Variants in SLC6A18 observed in about 807,000 individuals in gnomAD.
The protein encoded by SLC6A18 is solute carrier family 6 member 18, also known as inactive sodium-dependent neutral amino acid transporter B(0)AT3.
A neutral mutation model predicts 62.9 loss-of-function variants in SLC6A18; 58 were observed. The ratio of observed to expected loss-of-function variants is 0.92; its 90% CI spans 0.75 to 1.15. The LOEUF (loss-of-function observed/expected upper bound fraction) is 1.15. Among genes scored for constraint, SLC6A18 ranks in the 50% most tolerant of loss-of-function variants. The probability of loss-of-function intolerance (pLI) is 0.00; values close to 1 mark genes in which losing one functional copy is unlikely to be tolerated. For missense variants in SLC6A18, 793 were observed against 836.6 expected (o/e 0.95, Z 0.64); for synonymous variants, 382 against 365.8 (o/e 1.04, Z -0.51).
At position 1,237,633 on chromosome 5, in the gene SLC6A18, C is replaced by G. The variant is rs376065162; in HGVS notation, c.622-317C>G. Among the ~76,000 whole-genome samples, 19 of 152,236 alleles carry G rather than the reference C, an allele frequency of 1.2e-4. No homozygotes were observed. The East Asian group carries it at 1.5e-3, about 12-fold the overall frequency. ...GAGGGAGGCCAGGGAGGGAGTTTGG[C>G]CCAGACCCCTCTTCAGGGCCCAGCC... On this transcript the variant is annotated intron_variant, in intron 4 of 11. Transcript: ENST00000324642.
intron 1 of SLC6A18, among the ~76,000 whole-genome samples, chr5:1,228,127 T>C (rs1746630916): frequency 6.6e-6 from 1 of 152,242 alleles, no homozygotes; most frequent in Non-Finnish European, 1.5e-5. Context: ...GGCCTTTTTT[T>C]TTTATTCTTT....
intron 1 of SLC6A18, among the ~76,000 whole-genome samples, chr5:1,230,172 G>A (rs552190831): frequency 1.3e-4 from 19 of 146,194 alleles, no homozygotes; most frequent in African/African-American, 1.8e-4. Context: ...GGGGAGGGAA[G>A]AGGGGCTCTC....
At chr5:1,237,854 C>T in intron 4 of SLC6A18, 96 bp from the exon 5 acceptor site, 1 of 941,556 alleles carries the variant, frequency 1.1e-6, no homozygotes, top group Admixed American at 1.9e-5. Flanking sequence ...GCCACTCTGA[C>T]CACAAGGGCG....
chr5:1,232,153 T>A, intron 1 of SLC6A18, 66 bp from the exon 2 acceptor site: 839 of 1,389,450 alleles, frequency 6.0e-4, no homozygotes, highest in Middle Eastern at 7.5e-4. Flanking sequence ...TGGCTCCCCC[T>A]GGCCCACGCC....
chr5:1,237,590 G>A, intron 4 of SLC6A18, among the ~76,000 whole-genome samples: 1 of 152,212 alleles, frequency 6.6e-6, no homozygotes, highest in Non-Finnish European at 1.5e-5. Flanking sequence ...GAGGCAAGTG[G>A]AGGTGGGTGG....
chr5:1,232,154 G>T, intron 1 of SLC6A18, 65 bp from the exon 2 acceptor site: 1 of 1,481,990 alleles, frequency 6.7e-7, no homozygotes, highest in Admixed American at 1.9e-5. Context: ...GGCTCCCCCT[G>T]GCCCACGCCA....
chr5:1,232,737 G>T lies in SLC6A18; in HGVS notation c.302-14G>T, dbSNP rs762398233. On this transcript the variant is annotated splice_polypyrimidine_tract_variant and intron_variant, in intron 2 of 11. Transcript: ENST00000324642. The stretch of plus-strand genomic sequence containing the variant: ...AGGAGCCCCGGGGCCACCTGACATG[G>T]TCCCTGTCCACAGGGCTGGGCTGTG... 6.2e-7 allele frequency: 1 copy of T among 1,604,714 alleles called. No individual in the cohort carries two copies. Among genetic ancestry groups the T allele is most frequent in the South Asian group, 1.1e-5 (1 of 90,032 alleles).
chr5:1,231,843 G>C (rs1378239008), intron 1 of SLC6A18, among the ~76,000 whole-genome samples: 1 of 152,176 alleles, frequency 6.6e-6, no homozygotes, highest in African/African-American at 2.4e-5. Flanking sequence ...CACAGAGGCT[G>C]AGTCCCCACT....
chr5:1,234,752 G>A (rs765512109), intron 3 of SLC6A18, among the ~76,000 whole-genome samples: 7 of 152,264 alleles, frequency 4.6e-5, no homozygotes, highest in Non-Finnish European at 8.8e-5. Flanking sequence ...GCTGGGCTGT[G>A]ACAGTGCTTG....
intron 4 of SLC6A18, among the ~76,000 whole-genome samples, chr5:1,235,909 T>A (rs1336664541): frequency 6.6e-6 from 1 of 152,270 alleles, no homozygotes; most frequent in African/African-American, 2.4e-5. Flanking sequence ...TTGGGCTATG[T>A]TAACAGAGTG....
chr5:1,244,511 G>A, intron 10 of SLC6A18, 97 bp from the exon 11 acceptor site: 3 of 1,545,856 alleles, frequency 1.9e-6, no homozygotes, highest in South Asian at 1.2e-5. Flanking sequence ...AGGCACCAGA[G>A]GGTGCAGGTT....
In SLC6A18 at chr5:1,245,987, GGGA is replaced by G; in HGVS notation, c.1797_1799del (p.Arg599_Asp600delinsSer). 1 of 1,598,876 alleles carries G rather than the reference GGGA, an allele frequency of 6.3e-7. No homozygotes were observed. Among genetic ancestry groups the G allele is most frequent in the Non-Finnish European group, 8.5e-7 (1 of 1,178,108 alleles). On this transcript the variant is annotated inframe_deletion, in exon 12 of 12. Transcript: ENST00000324642. ...CTCACCCGGCGGAGGCGGACGTGGA[GGGA>G]CAGGGACGCGCGCCCAGACACGGAC...
Position 1,246,070 on chromosome 5 carries a change from A to T in SLC6A18, c.1879A>T (p.Met627Leu), listed in dbSNP as rs542800681. 1.9e-6 allele frequency: 3 copies of T among 1,565,478 alleles called. No individual in the cohort carries two copies. Among genetic ancestry groups the T allele is most frequent in the Non-Finnish European group, 2.6e-6 (3 of 1,160,232 alleles). Reference protein sequence around the residue: ...PDTDMRPDTDMR With the variant: ...PDTDMRPDTDLR ...CACGGACATGCGCCCGGACACGGAC[A>T]TGCGCTGAAGCCGGCCGGAGCGGGG... The change falls in exon 12 of 12, where the codon ATG (methionine) becomes TTG (leucine). Residue 627 changes from methionine to leucine, a missense_variant. By Grantham distance (15) the Met-to-Leu change is conservative. Coordinates refer to ENST00000324642, the MANE Select transcript of SLC6A18 (RefSeq NM_182632.3).
chr5:1,246,019 C>T lies in SLC6A18; in HGVS notation c.1828C>T (p.Arg610Cys). 6.3e-7 allele frequency: 1 copy of T among 1,594,318 alleles called. No homozygotes were observed. The highest frequency in any genetic ancestry group is 8.5e-7 in the Non-Finnish European group (1 of 1,175,958). Residue 610 changes from arginine to cysteine, a missense_variant, in exon 12 of 12, where the codon CGC becomes TGC. Coordinates refer to ENST00000324642, the MANE Select transcript of SLC6A18 (RefSeq NM_182632.3). ...GGACGCGCGCCCAGACACGGACATGCGCCCGGACACGGACACGCGCCCAGA... is the reference window on the plus strand; with the variant it reads ...GGACGCGCGCCCAGACACGGACATGTGCCCGGACACGGACACGCGCCCAGA... The part of the protein sequence containing the change: ...DRDARPDTDM[R>C]PDTDTRPDTD...
At position 1,232,306 on chromosome 5, in the gene SLC6A18, G is replaced by T; in HGVS notation, c.248G>T (p.Arg83Leu). ...HVELAIGQRL[R>L]KGSVGVWTAI... ...GAGCTCGCCATCGGCCAGCGGCTGC[G>T]GAAGGGCAGCGTCGGCGTGTGGACG... The change falls in exon 2 of 12, where the codon CGG (arginine) becomes CTG (leucine). Residue 83 changes from arginine (R) to leucine (L), a missense_variant. Arg to Leu is a moderately radical substitution (Grantham distance 102). Coordinates refer to ENST00000324642, the MANE Select transcript of SLC6A18 (RefSeq NM_182632.3). The T allele has an allele frequency of 6.2e-7, 1 of 1,612,476 alleles. No homozygotes were observed. Among genetic ancestry groups the T allele is most frequent in the Non-Finnish European group, 8.5e-7 (1 of 1,179,848 alleles).
At chr5:1,233,195 A>G (rs113727010) in intron 3 of SLC6A18, among the ~76,000 whole-genome samples, 9 of 152,290 alleles carry the variant, frequency 5.9e-5, no homozygotes, top group African/African-American at 1.9e-4. Context: ...TTAAGACGTT[A>G]GGTCGGACGC....
At chr5:1,234,031 G>A (rs551004130) in intron 3 of SLC6A18, among the ~76,000 whole-genome samples, 74 of 152,196 alleles carry the variant, frequency 4.9e-4, no homozygotes, top group East Asian at 7.7e-4. Flanking sequence ...GTGAGCCACC[G>A]CGCCCGGCCA....
chr5:1,243,590 C>G lies in SLC6A18; in HGVS notation c.1167C>G (p.Phe389Leu), dbSNP rs1747124993. ...ASGPGLAFVV[F>L]TETDLHMPGA... ...GCCCGGGCCTGGCCTTCGTCGTCTT[C>G]ACGGAGACCGACCTCCACATGCCGG... Residue 389 changes from phenylalanine (F) to leucine (L), a missense_variant, in exon 9 of 12, where the codon TTC (phenylalanine) becomes TTG (leucine). By Grantham distance (22) the Phe-to-Leu change is conservative. Coordinates refer to ENST00000324642, the MANE Select transcript of SLC6A18 (RefSeq NM_182632.3). The surrounding 1 kb of genome is among the most constrained non-coding windows in gnomAD (Gnocchi z 6.5). The G allele has an allele frequency of 6.2e-7, 1 of 1,613,978 alleles. No individual in the cohort carries two copies. Among genetic ancestry groups the G allele is most frequent in the Non-Finnish European group, 8.5e-7 (1 of 1,180,012 alleles).
chr5:1,235,352 A>G, intron 3 of SLC6A18, 129 bp from the exon 4 acceptor site: 1 of 839,558 alleles, frequency 1.2e-6, no homozygotes. Context: ...TGGGCCCAAA[A>G]AGAAGTGAAA....
Sources: gnomAD v4.1 joint callset for allele counts (sites outside exome capture counted in the v4.1 genomes callset) on GRCh38, gnomAD v4.1.1 for gene constraint, Gnocchi (gnomAD v3.1) non-coding constraint, MANE v1.5 for transcripts, NCBI Gene and HGNC (gene_info 2026-07-23, HGNC 2026-07-21) for gene names.